MTSS1: variants seen among roughly 807,000 people sequenced by gnomAD.
MTSS1 encodes the protein protein MTSS 1.
In MTSS1, 18 loss-of-function variants were observed where a neutral mutation model predicts 79.0. That is an observed-to-expected ratio of 0.23 (90% CI 0.16 to 0.34). MTSS1 has a LOEUF of 0.34. MTSS1 is among the 10% of genes least tolerant of loss of function. The pLI is 1.00. For synonymous variants in MTSS1, 341 were observed against 368.6 expected, an observed-to-expected ratio of 0.93 and a Z score of 0.86; for missense variants, 815 against 986.2, an observed-to-expected ratio of 0.83 and a Z score of 2.33.
At chr8:124,624,454 G>A (rs1814255609) in intron 3 of MTSS1, among the ~76,000 whole-genome samples, 1 of 152,112 alleles carries the variant, frequency 6.6e-6, no homozygotes, top group Non-Finnish European at 1.5e-5. Flanking sequence ...ACGTGACACA[G>A]AAAAAGAAAA....
intron 3 of MTSS1, among the ~76,000 whole-genome samples, chr8:124,611,703 T>C (rs528159258): frequency 6.6e-5 from 10 of 152,302 alleles, no homozygotes; most frequent in Admixed American, 6.5e-4. Flanking sequence ...GCCCATTTCA[T>C]ATGAGAAAGA....
chr8:124,635,675 C>T (rs1027523553), intron 3 of MTSS1, among the ~76,000 whole-genome samples: 2 of 152,164 alleles, frequency 1.3e-5, no homozygotes, highest in Non-Finnish European at 2.9e-5. Context: ...CATCTTTACA[C>T]TCTCCATAGC....
intron 3 of MTSS1, among the ~76,000 whole-genome samples, chr8:124,611,999 C>T (rs943807115): frequency 1.3e-5 from 2 of 152,236 alleles, no homozygotes; most frequent in African/African-American, 4.8e-5. Context: ...CTGGGCTTTT[C>T]TACCAAGGTT....
chr8:124,720,091 A>T (rs182878586), intron 1 of MTSS1, among the ~76,000 whole-genome samples: 18 of 152,356 alleles, frequency 1.2e-4, no homozygotes, highest in African/African-American at 4.3e-4. Context: ...TTGAGGGAAA[A>T]GGAGGCACCA....
rs1298883228 is a variant in MTSS1, at chr8:124,553,618, T to C, written c.1642A>G (p.Ile548Val). The C allele has an allele frequency of 6.2e-7, 1 of 1,614,186 alleles. No homozygotes were observed. The highest frequency in any genetic ancestry group is 1.1e-5 in the South Asian group (1 of 91,086). The change falls in exon 14 of 14, where the codon ATT becomes GTT. Residue 548 changes from isoleucine to valine, a missense_variant. Ile to Val is a conservative substitution (Grantham distance 29). Coordinates refer to ENST00000518547, the MANE Select transcript of MTSS1 (RefSeq NM_014751.6). This position sits in a 1 kb window ranked among gnomAD's most constrained non-coding sequence, Gnocchi z 6.0. ...TGGCTGATGTCGCTGTTTCTTGGAA[T>C]GGTGGAGGACTTGTCGAACTCCTGC... ...DQQEFDKSSTIPRNSDISQSY... is the reference protein window; with the variant it reads ...DQQEFDKSSTVPRNSDISQSY...
intron 6 of MTSS1, chr8:124,568,868 C>A: frequency 7.0e-7 from 1 of 1,426,398 alleles, no homozygotes; most frequent in Non-Finnish European, 9.1e-7. Flanking sequence ...AGACAGCATT[C>A]TTTCCTTGCA....
chr8:124,723,222 T>C (rs1833199634), intron 1 of MTSS1, among the ~76,000 whole-genome samples: 1 of 152,222 alleles, frequency 6.6e-6, no homozygotes, highest in African/African-American at 2.4e-5. Flanking sequence ...TGGGAAACCC[T>C]ACGTTTTTAC....
At chr8:124,573,700 A>T (rs4871504) in intron 6 of MTSS1, among the ~76,000 whole-genome samples, 45,734 of 152,100 alleles carry the variant, frequency 0.3, 7,453 homozygotes, top group African/African-American at 0.41. Context: ...CAAGAGGAGG[A>T]GGGAGGGGGT....
At chr8:124,666,736 A>C (rs1037045157) in intron 3 of MTSS1, among the ~76,000 whole-genome samples, 1 of 152,168 alleles carries the variant, frequency 6.6e-6, no homozygotes, top group Non-Finnish European at 1.5e-5. Flanking sequence ...AGGAGGGGTC[A>C]TCAGCGCAGA....
chr8:124,687,978 G>A (rs949474241), intron 3 of MTSS1, among the ~76,000 whole-genome samples: 9 of 152,120 alleles, frequency 5.9e-5, no homozygotes, highest in African/African-American at 1.9e-4. Context: ...GCTCAAATGC[G>A]GCTCTAAAGG....
Position 124,633,965 on chromosome 8 carries a change from C to T in MTSS1, c.209-42730G>A, listed in dbSNP as rs541186009. On this transcript the variant is annotated intron_variant, in intron 3 of 13. Coordinates refer to ENST00000518547, the MANE Select transcript of MTSS1 (RefSeq NM_014751.6). ...AATTCATATAATTACTTCTCTCACA[C>T]TTCAAGATATGGTCTGGTTCAAAAT... Among the ~76,000 whole-genome samples the T allele has an allele frequency of 3.9e-5, 6 of 152,228 alleles. No homozygotes were observed. The East Asian group carries it at 7.7e-4, about 20-fold the overall frequency.
chr8:124,584,390 T>C (rs1455087981), intron 6 of MTSS1, among the ~76,000 whole-genome samples: 1 of 152,210 alleles, frequency 6.6e-6, no homozygotes, highest in Non-Finnish European at 1.5e-5. Context: ...CAGGAGAAAG[T>C]CCCTACATTT....
intron 3 of MTSS1, among the ~76,000 whole-genome samples, chr8:124,662,875 C>G (rs562761353): frequency 7.2e-5 from 11 of 152,030 alleles, no homozygotes; most frequent in Non-Finnish European, 1.5e-4. Flanking sequence ...TGTAATGTAC[C>G]CTTGCAGTCA....
chr8:124,585,706 C>A (rs914830959), intron 5 of MTSS1, among the ~76,000 whole-genome samples: 1 of 151,978 alleles, frequency 6.6e-6, no homozygotes, highest in Non-Finnish European at 1.5e-5. Flanking sequence ...CCATGCCTGG[C>A]GGGGAATACT....
At chr8:124,612,284 C>G (rs779792940) in intron 3 of MTSS1, among the ~76,000 whole-genome samples, 30 of 152,156 alleles carry the variant, frequency 2.0e-4, no homozygotes, top group Admixed American at 1.3e-4. Flanking sequence ...ATCCTCATTA[C>G]AGAAAAGAAG....
At position 124,557,664 on chromosome 8, in the gene MTSS1, G is replaced by C. The variant is rs375054456; in HGVS notation, c.1230+17C>G. On this transcript the variant is annotated intron_variant, in intron 11 of 13. Transcript: ENST00000518547. ...AGAGGCAATGACGGGGAGAGGAGGA[G>C]GGGGAGAGACACAAACCTTCCAGCT... The C allele has an allele frequency of 6.4e-7, 1 of 1,554,152 alleles. No individual in the cohort carries two copies. The highest frequency in any genetic ancestry group is 2.4e-5 in the East Asian group (1 of 41,454).
intron 9 of MTSS1, among the ~76,000 whole-genome samples, chr8:124,565,282 G>A (rs574915377): frequency 2.0e-5 from 3 of 152,270 alleles, no homozygotes; most frequent in South Asian, 2.1e-4. Flanking sequence ...TACTTCCTTC[G>A]TTTGTTCTGG....
chr8:124,634,829 G>C (rs547589937), intron 3 of MTSS1, among the ~76,000 whole-genome samples: 10 of 152,304 alleles, frequency 6.6e-5, no homozygotes, highest in African/African-American at 2.2e-4. Flanking sequence ...GGACCCATCT[G>C]TGCTGGACTT....
chr8:124,653,423 T>G (rs1293194480), intron 3 of MTSS1, among the ~76,000 whole-genome samples: 1 of 152,212 alleles, frequency 6.6e-6, no homozygotes, highest in African/African-American at 2.4e-5. Flanking sequence ...AGATCATATT[T>G]GCTAACTTAT....
Sources: allele counts gnomAD v4.1 joint callset (sites outside exome capture counted in the v4.1 genomes callset), GRCh38; gene constraint gnomAD v4.1.1; non-coding constraint Gnocchi (gnomAD v3.1); transcripts MANE v1.5; gene names NCBI Gene and HGNC (gene_info 2026-07-23, HGNC 2026-07-21).